FLI1: variants seen among roughly 807,000 people sequenced by gnomAD.
The protein encoded by FLI1 is Friend leukemia integration 1 transcription factor.
In FLI1, 13 loss-of-function variants were observed where a neutral mutation model predicts 53.1. The ratio of observed to expected loss-of-function variants is 0.24; its 90% CI spans 0.16 to 0.39. FLI1 has a LOEUF of 0.39. Among genes scored for constraint, FLI1 ranks in the 10% least tolerant of loss-of-function variants. The probability of loss-of-function intolerance (pLI) is 1.00; values close to 1 mark genes in which losing one functional copy is unlikely to be tolerated. For synonymous variants in FLI1, 244 were observed against 236.7 expected, an observed-to-expected ratio of 1.03 and a Z score of -0.28; for missense variants, 424 against 600.5, an observed-to-expected ratio of 0.71 and a Z score of 3.07.
chr11:128,767,880 C>T (rs1941402389), intron 2 of FLI1, among the ~76,000 whole-genome samples: 1 of 152,190 alleles, frequency 6.6e-6, no homozygotes, highest in African/African-American at 2.4e-5. Context: ...TCTGAGGGCA[C>T]TGAGGCGCTG....
At chr11:128,722,919 C>A (rs1345619726) in intron 1 of FLI1, among the ~76,000 whole-genome samples, 2 of 152,166 alleles carry the variant, frequency 1.3e-5, no homozygotes, top group East Asian at 3.9e-4. Flanking sequence ...AGTCCCATAA[C>A]TGGGTGGCTC....
chr11:128,726,196 CA>C (rs1413775831), intron 1 of FLI1, among the ~76,000 whole-genome samples: 1 of 152,276 alleles, frequency 6.6e-6, no homozygotes, highest in Admixed American at 6.5e-5. Context: ...ACCGCTGGCT[CA>C]GCCCCCCTGC....
chr11:128,744,724 G>C (rs754193922), intron 1 of FLI1, among the ~76,000 whole-genome samples: 31 of 152,302 alleles, frequency 2.0e-4, no homozygotes, highest in Admixed American at 3.3e-4. Flanking sequence ...TGGATAAGGG[G>C]AGAACCAATT....
intron 7 of FLI1, 76 bp from the exon 8 acceptor site, chr11:128,809,081 A>G: frequency 8.4e-7 from 1 of 1,189,904 alleles, no homozygotes; most frequent in Non-Finnish European, 1.2e-6. Flanking sequence ...ATAAACCCTT[A>G]TGGTTTTCTT....
chr11:128,733,148 G>A (rs549936110), intron 1 of FLI1, among the ~76,000 whole-genome samples: 26 of 146,080 alleles, frequency 1.8e-4, no homozygotes, highest in Non-Finnish European at 3.3e-4. Flanking sequence ...AGTCTGCAGC[G>A]TTTTCCAATC....
intron 3 of FLI1, chr11:128,768,594 C>T (rs896280927): frequency 6.1e-5 from 17 of 277,696 alleles, no homozygotes; most frequent in African/African-American, 3.6e-4. Flanking sequence ...GGGGCTGAAG[C>T]AGGAGACTCG....
At chr11:128,724,214 G>A (rs1333773690) in intron 1 of FLI1, among the ~76,000 whole-genome samples, 1 of 152,114 alleles carries the variant, frequency 6.6e-6, no homozygotes, top group African/African-American at 2.4e-5. Flanking sequence ...CAAAGTGCTG[G>A]GATTACAGGC....
At chr11:128,804,810 A>G (rs768628940) in intron 5 of FLI1, 3 of 152,200 alleles carry the variant, frequency 2.0e-5, no homozygotes, top group African/African-American at 4.8e-5. Flanking sequence ...TGTCATGGCC[A>G]TGGGCTTTGA....
chr11:128,749,419 CGG>C (rs1035048021), intron 1 of FLI1, among the ~76,000 whole-genome samples: 3 of 152,076 alleles, frequency 2.0e-5, no homozygotes, highest in African/African-American at 7.3e-5. Flanking sequence ...TCCTCTCCTG[CGG>C]GCCTCTCCAT....
rs1247235445 is a variant in FLI1 at position 128,768,133 on chromosome 11, C to A, written c.246C>A (p.Asp82Glu). ...HMNGSRESPV[D>E]CSVSKCSKLV... Reference sequence around the variant, plus strand: ...CTCACTTTAGGGAGTCTCCGGTGGACTGCAGCGTTAGCAAATGCAGCAAGC... The same window carrying A: ...CTCACTTTAGGGAGTCTCCGGTGGAATGCAGCGTTAGCAAATGCAGCAAGC... Residue 82 changes from aspartate (D) to glutamate (E), a missense_variant, in exon 3 of 9, where the codon GAC (aspartate) becomes GAA (glutamate). By Grantham distance (45) the Asp-to-Glu change is conservative (BLOSUM62 2). Around this residue, in one of 5 missense-constraint regions of FLI1, gnomAD observed 137 missense variants for 169.1 expected, o/e 0.81. Coordinates refer to ENST00000527786, the MANE Select transcript of FLI1 (RefSeq NM_002017.5). 1.2e-6 allele frequency: 2 copies of A among 1,613,120 alleles called. No individual in the cohort carries two copies. The highest frequency in any genetic ancestry group is 1.7e-4 in the Middle Eastern group (1 of 6,058).
At chr11:128,765,533 CT>C (rs972862345) in intron 2 of FLI1, among the ~76,000 whole-genome samples, 16 of 152,340 alleles carry the variant, frequency 1.1e-4, no homozygotes, top group Admixed American at 4.6e-4. Context: ...ATCCTGCCCC[CT>C]GCTGTAGTTC....
intron 1 of FLI1, among the ~76,000 whole-genome samples, chr11:128,750,985 C>T (rs1489549350): frequency 6.6e-6 from 1 of 152,214 alleles, no homozygotes; most frequent in African/African-American, 2.4e-5. Context: ...GATGCCTCCT[C>T]TCCTCATTCA....
chr11:128,772,704 G>T, intron 3 of FLI1, 78 bp from the exon 4 acceptor site: 1 of 1,096,466 alleles, frequency 9.1e-7, no homozygotes, highest in Admixed American at 1.7e-5. Context: ...AGGGACAAGG[G>T]GTGAGGGAGG....
intron 1 of FLI1, among the ~76,000 whole-genome samples, chr11:128,746,856 G>A (rs1288989981): frequency 6.6e-6 from 1 of 152,198 alleles, no homozygotes; most frequent in Non-Finnish European, 1.5e-5. Flanking sequence ...TAAGTAACTT[G>A]CCCAAAGTTG....
rs1942931577 is a variant in FLI1, at chr11:128,811,350, A to T, written c.*362A>T. On this transcript the variant is annotated 3_prime_UTR_variant, in exon 9 of 9. Coordinates refer to ENST00000527786, the MANE Select transcript of FLI1 (RefSeq NM_002017.5). ...GACCAAAGCAGTTTCTTGTCAATAC[A>T]CGGGGTTCAGTATGACACAGAATCA... 1 of 365,162 alleles carries T rather than the reference A, an allele frequency of 2.7e-6. No homozygotes were observed. The allele number at this position is 365,162 out of a possible 1,614,324, so 22.6% of individuals were successfully genotyped here.
intron 1 of FLI1, among the ~76,000 whole-genome samples, chr11:128,738,122 T>C (rs1402298583): frequency 2.0e-5 from 3 of 152,138 alleles, no homozygotes; most frequent in African/African-American, 7.2e-5. Flanking sequence ...GGAGCAAACA[T>C]TCTCCATGCT....
intron 5 of FLI1, among the ~76,000 whole-genome samples, chr11:128,789,406 G>A (rs1942196786): frequency 6.6e-6 from 1 of 152,208 alleles, no homozygotes; most frequent in African/African-American, 2.4e-5. Flanking sequence ...TGGCCGGGGA[G>A]GGCGGAGTAG....
At position 128,712,110 on chromosome 11, in the gene FLI1, G is replaced by A. The variant is rs945382470; in HGVS notation, c.18+17834G>A. Reference sequence around the variant, plus strand: ...TGGTGGGAGGTGATTAGATCATGGGGGGCAGATCCCTGGTGAAGGAATTAG... The same window carrying A: ...TGGTGGGAGGTGATTAGATCATGGGAGGCAGATCCCTGGTGAAGGAATTAG... On this transcript the variant is annotated intron_variant, in intron 1 of 8. Coordinates refer to ENST00000527786, the MANE Select transcript of FLI1 (RefSeq NM_002017.5). 6.6e-5 allele frequency among the ~76,000 whole-genome samples: 10 copies of A among 152,118 alleles called. No individual in the cohort carries two copies. The East Asian group carries it at 1.7e-3, about 26-fold the overall frequency.
chr11:128,725,662 CTG>C (rs58514233), intron 1 of FLI1, among the ~76,000 whole-genome samples: 92,494 of 149,384 alleles, frequency 0.62, 28,324 homozygotes, highest in Admixed American at 0.7. Flanking sequence ...CTCTCTCTCT[CTG>C]TGTGTGTGTG....
Sources: gnomAD v4.1 joint callset for allele counts (sites outside exome capture counted in the v4.1 genomes callset) on GRCh38, gnomAD v4.1.1 for gene constraint, gnomAD v4.1.1 regional missense constraint, MANE v1.5 for transcripts, NCBI Gene and HGNC (gene_info 2026-07-23, HGNC 2026-07-21) for gene names.